Variants in OR5A2 observed in about 807,000 individuals in gnomAD.
OR5A2 encodes the protein olfactory receptor 5A2.
For missense variants in OR5A2, 406 were observed against 398.9 expected (o/e 1.02, Z -0.15); for synonymous variants, 155 against 151.1 (o/e 1.03, Z -0.19).
In OR5A2 at chr11:59,422,052, G is replaced by C. The variant is rs752452167; in HGVS notation, c.902C>G (p.Ala301Gly). The change falls in exon 2 of 2, where the codon GCC becomes GGC. Residue 301 changes from alanine to glycine, a missense_variant. Ala to Gly is a moderately conservative substitution (Grantham distance 60). Coordinates refer to ENST00000302040, the MANE Select transcript of OR5A2 (RefSeq NM_001001954.2). ...YSFRNKEIKN[A>G]MRKAMERDPG... Reference sequence around the variant, plus strand: ...GTCCCTTTCCATGGCTTTCCTCATGGCATTTTTAATCTCCTTATTCCTAAA... The same window carrying C: ...GTCCCTTTCCATGGCTTTCCTCATGCCATTTTTAATCTCCTTATTCCTAAA... The C allele has an allele frequency of 6.2e-7, 1 of 1,613,906 alleles. No individual in the cohort carries two copies. Among genetic ancestry groups the C allele is most frequent in the East Asian group, 2.2e-5 (1 of 44,868 alleles).
chr11:59,423,981 C>G (rs761804951), intron 1 of OR5A2: 4 of 152,256 alleles, frequency 2.6e-5, no homozygotes, highest in Non-Finnish European at 5.9e-5. Context: ...AGGGTTCATT[C>G]AATATTTAAA....
rs1301399152 is a variant in OR5A2 at position 59,418,390 on chromosome 11, G to T, written c.*3589C>A. On this transcript the variant is annotated 3_prime_UTR_variant, in exon 2 of 2. Transcript: ENST00000302040. ...TATGCAGATAGCTATTCTGAGCTTG[G>T]TTAACTTCAGTCCATCTGGAAAAGA... The T allele has an allele frequency of 6.6e-6, 1 of 152,054 alleles. No individual in the cohort carries two copies. Among genetic ancestry groups the T allele is most frequent in the African/African-American group, 2.4e-5 (1 of 41,424 alleles). The allele number at this position is 152,054 out of a possible 1,614,324, so 9.4% of individuals were successfully genotyped here.
rs1011829752 is a variant in OR5A2 at position 59,421,520 on chromosome 11, T to G, written c.*459A>C. ...CTCCTATGGCCATGATTCTGAAACA[T>G]GGGAAGGTATCTGCCCTGTGGTTTT... On this transcript the variant is annotated 3_prime_UTR_variant, in exon 2 of 2. Transcript: ENST00000302040. 5 of 156,080 alleles carry G rather than the reference T, an allele frequency of 3.2e-5. No homozygotes were observed. Among genetic ancestry groups the G allele is most frequent in the Admixed American group, 6.2e-5 (1 of 16,124 alleles). 9.7% of individuals were successfully genotyped at this position (156,080 alleles called of 1,614,324 possible). A position where few individuals can be genotyped will look rare whatever the true frequency, so the allele number is the denominator to read the frequency against.
Position 59,420,687 on chromosome 11 carries a change from T to C in OR5A2, c.*1292A>G, listed in dbSNP as rs1361144657. The C allele has an allele frequency of 6.6e-6, 1 of 152,218 alleles. No individual in the cohort carries two copies. Among genetic ancestry groups the C allele is most frequent in the African/African-American group, 2.4e-5 (1 of 41,460 alleles). The allele number at this position is 152,218 out of a possible 1,614,324, so 9.4% of individuals were successfully genotyped here. ...AGGCCACAGCTGAATGAATTTATTCTAGTTCTTTAATGCCAGTTCAAGGAT... is the reference window on the plus strand; with the variant it reads ...AGGCCACAGCTGAATGAATTTATTCCAGTTCTTTAATGCCAGTTCAAGGAT... On this transcript the variant is annotated 3_prime_UTR_variant, in exon 2 of 2. Coordinates refer to ENST00000302040, the MANE Select transcript of OR5A2 (RefSeq NM_001001954.2).
chr11:59,422,037 A>T lies in OR5A2; in HGVS notation c.917T>A (p.Met306Lys), dbSNP rs754825242. The T allele has an allele frequency of 4.3e-6, 7 of 1,614,046 alleles. No homozygotes were observed. The South Asian group carries it at 6.6e-5, about 15-fold the overall frequency. The stretch of plus-strand genomic sequence containing the variant: ...GTGAGAAATCCCGGGGTCCCTTTCC[A>T]TGGCTTTCCTCATGGCATTTTTAAT... Reference protein sequence around the residue: ...KEIKNAMRKAMERDPGISHGG... With the variant: ...KEIKNAMRKAKERDPGISHGG... Residue 306 changes from methionine (M) to lysine (K), a missense_variant, in exon 2 of 2, where the codon ATG becomes AAG. Coordinates refer to ENST00000302040, the MANE Select transcript of OR5A2 (RefSeq NM_001001954.2).
chr11:59,421,849 C>A lies in OR5A2; in HGVS notation c.*130G>T, dbSNP rs925731305. The A allele has an allele frequency of 3.0e-6, 3 of 1,009,534 alleles. No homozygotes were observed. The Admixed American group carries it at 7.0e-5, about 24-fold the overall frequency. 62.5% of individuals were successfully genotyped at this position (1,009,534 alleles called of 1,614,324 possible). On this transcript the variant is annotated 3_prime_UTR_variant, in exon 2 of 2. Transcript: ENST00000302040. The stretch of plus-strand genomic sequence containing the variant: ...AAAATGTTTTCTAATAGCCAACAGG[C>A]AAACTATTAGTGAAATCTTAAGCAG...
In OR5A2 at chr11:59,421,809, C is replaced by CA. The variant is rs34796825; in HGVS notation, c.*169dup. 634,956 of 663,570 alleles carry CA rather than the reference C, an allele frequency of 0.96. 305,442 individuals carry two copies. Among genetic ancestry groups the CA allele is most frequent in the Non-Finnish European group, 0.99 (395,012 of 399,434 alleles). The allele number at this position is 663,570 out of a possible 1,614,324, so 41.1% of individuals were successfully genotyped here. A position where few individuals can be genotyped will look rare whatever the true frequency, so the allele number is the denominator to read the frequency against. On this transcript the variant is annotated 3_prime_UTR_variant, in exon 2 of 2. Transcript: ENST00000302040. ...AAACTATACAATGCTATTCATTTTACAAGCAACAATGGCCAAAATGTTTTC... is the reference window on the plus strand; with the variant it reads ...AAACTATACAATGCTATTCATTTTACAAAGCAACAATGGCCAAAATGTTTTC...
rs1046399004 is a variant in OR5A2, at chr11:59,419,912, A to G, written c.*2067T>C. The G allele has an allele frequency of 1.3e-5, 2 of 152,144 alleles. No homozygotes were observed. Among genetic ancestry groups the G allele is most frequent in the African/African-American group, 4.8e-5 (2 of 41,442 alleles). The allele number at this position is 152,144 out of a possible 1,614,324, so 9.4% of individuals were successfully genotyped here. ...TAGATCAGGGAAGGAAGGAAGGAAA[A>G]CAAAGTGGAGAGGGGATTCTCTATA... On this transcript the variant is annotated 3_prime_UTR_variant, in exon 2 of 2. Coordinates refer to ENST00000302040, the MANE Select transcript of OR5A2 (RefSeq NM_001001954.2).
Position 59,421,674 on chromosome 11 carries a change from C to G in OR5A2, c.*305G>C, listed in dbSNP as rs1388732873. ...AAATATCACCACACTAAATGCTGGACTAACATTTTTTCGATGACTTTCCTC... is the reference window on the plus strand; with the variant it reads ...AAATATCACCACACTAAATGCTGGAGTAACATTTTTTCGATGACTTTCCTC... On this transcript the variant is annotated 3_prime_UTR_variant, in exon 2 of 2. Coordinates refer to ENST00000302040, the MANE Select transcript of OR5A2 (RefSeq NM_001001954.2). The G allele has an allele frequency of 3.7e-6, 1 of 273,508 alleles. No individual in the cohort carries two copies. Among genetic ancestry groups the G allele is most frequent in the African/African-American group, 2.2e-5 (1 of 46,058 alleles). 16.9% of individuals were successfully genotyped at this position (273,508 alleles called of 1,614,324 possible).
In OR5A2 at chr11:59,422,848, A is replaced by T. The variant is rs377356485; in HGVS notation, c.106T>A (p.Tyr36Asn). 6.2e-7 allele frequency: 1 copy of T among 1,614,026 alleles called. No homozygotes were observed. Among genetic ancestry groups the T allele is most frequent in the African/African-American group, 1.3e-5 (1 of 74,932 alleles). ...AAGTTCCAGGCCAACGTCAGGAGGT[A>T]GAGCCCCAGAAATAACATGAAAAGG... ...IFLFMLFLGL[Y>N]LLTLAWNLSL... Residue 36 changes from tyrosine to asparagine, a missense_variant, in exon 2 of 2, where the codon TAC (tyrosine) becomes AAC (asparagine). By Grantham distance (143) the Tyr-to-Asn change is moderately radical. Coordinates refer to ENST00000302040, the MANE Select transcript of OR5A2 (RefSeq NM_001001954.2).
Position 59,422,202 on chromosome 11 carries a change from AG to A in OR5A2, c.751del (p.Leu251SerfsTer19). The A allele has an allele frequency of 6.2e-7, 1 of 1,614,146 alleles. No individual in the cohort carries two copies. Among genetic ancestry groups the A allele is most frequent in the Non-Finnish European group, 8.5e-7 (1 of 1,180,018 alleles). On this transcript the variant is annotated frameshift_variant, in exon 2 of 2. Transcript: ENST00000302040. LOFTEE classifies it low-confidence loss of function (END_TRUNC). ...CATGAAGAATCCAGAACCATAGAAGAGGGTCACAGCAGTCAGGTGAGAGGCA... is the reference window on the plus strand; with the variant it reads ...CATGAAGAATCCAGAACCATAGAAGAGGTCACAGCAGTCAGGTGAGAGGCA... ...TCASHLTAVT[L>X]FYGSGFFMYM...
rs1273903028 is a variant in OR5A2 at position 59,422,616 on chromosome 11, C to T, written c.338G>A (p.Cys113Tyr). The change falls in exon 2 of 2, where the codon TGC becomes TAC. Residue 113 changes from cysteine (C) to tyrosine (Y), a missense_variant. Coordinates refer to ENST00000302040, the MANE Select transcript of OR5A2 (RefSeq NM_001001954.2). The stretch of plus-strand genomic sequence containing the variant: ...ATAGGCCATAGCTGCCAGGAGAAAG[C>T]ATTCAGTCAGCCCCATCCCACAGAA... ...FVFCGMGLTE[C>Y]FLLAAMAYDR... is the part of the protein sequence containing the mutation. 1.2e-6 allele frequency: 2 copies of T among 1,614,182 alleles called. No individual in the cohort carries two copies. Among genetic ancestry groups the T allele is most frequent in the Non-Finnish European group, 1.7e-6 (2 of 1,180,038 alleles).
Position 59,422,803 on chromosome 11 carries a change from TAATGAGGGC to T in OR5A2, c.142_150del (p.Ala48_Ile50del). On this transcript the variant is annotated inframe_deletion, in exon 2 of 2. Coordinates refer to ENST00000302040, the MANE Select transcript of OR5A2 (RefSeq NM_001001954.2). Reference sequence around the variant, plus strand: ...GGCATGTGCAGGTGAGAGTCCATCTTAATGAGGGCAATGAGGCTTAAGTTCCAGGCCAAC... The same window carrying T: ...GGCATGTGCAGGTGAGAGTCCATCTTAATGAGGCTTAAGTTCCAGGCCAAC... 1 of 1,614,134 alleles carries T rather than the reference TAATGAGGGC, an allele frequency of 6.2e-7. No individual in the cohort carries two copies. The highest frequency in any genetic ancestry group is 8.5e-7 in the Non-Finnish European group (1 of 1,180,016).
At position 59,417,835 on chromosome 11, in the gene OR5A2, A is replaced by C. The variant is rs752658922; in HGVS notation, c.*4144T>G. ...AGCTCCTTTAATGCATCACTCATTA[A>C]TTCATGAGTGTGCATAATTACATGT... On this transcript the variant is annotated 3_prime_UTR_variant, in exon 2 of 2. Transcript: ENST00000302040. 1 of 152,064 alleles carries C rather than the reference A, an allele frequency of 6.6e-6. No individual in the cohort carries two copies. The highest frequency in any genetic ancestry group is 1.5e-5 in the Non-Finnish European group (1 of 67,976). 9.4% of individuals were successfully genotyped at this position (152,064 alleles called of 1,614,324 possible).
rs1248744677 is a variant in OR5A2, at chr11:59,419,411, A to G, written c.*2568T>C. 2.6e-5 allele frequency: 4 copies of G among 152,156 alleles called. No homozygotes were observed. The highest frequency in any genetic ancestry group is 5.9e-5 in the Non-Finnish European group (4 of 68,024). The allele number at this position is 152,156 out of a possible 1,614,324, so 9.4% of individuals were successfully genotyped here. A position where few individuals can be genotyped will look rare whatever the true frequency, so the allele number is the denominator to read the frequency against. On this transcript the variant is annotated 3_prime_UTR_variant, in exon 2 of 2. Coordinates refer to ENST00000302040, the MANE Select transcript of OR5A2 (RefSeq NM_001001954.2). ...ATGCATATTCTCACTTAATTGTTGT[A>G]TCAATTTTATGGGGTATGTTGACAA...
At position 59,422,588 on chromosome 11, in the gene OR5A2, G is replaced by C. The variant is rs1431675382; in HGVS notation, c.366C>G (p.Asp122Glu). 6.2e-7 allele frequency: 1 copy of C among 1,614,182 alleles called. No individual in the cohort carries two copies. The highest frequency in any genetic ancestry group is 1.7e-5 in the Admixed American group (1 of 60,020). ...ECFLLAAMAY[D>E]RYAAICNPLL... Reference sequence around the variant, plus strand: ...AGGGGTTGCAGATTGCAGCATACCGGTCATAGGCCATAGCTGCCAGGAGAA... The same window carrying C: ...AGGGGTTGCAGATTGCAGCATACCGCTCATAGGCCATAGCTGCCAGGAGAA... The change falls in exon 2 of 2, where the codon GAC becomes GAG. Residue 122 changes from aspartate (D) to glutamate (E), a missense_variant. Asp to Glu is a conservative substitution (Grantham distance 45). Transcript: ENST00000302040.
Position 59,420,817 on chromosome 11 carries a change from C to T in OR5A2, c.*1162G>A, listed in dbSNP as rs1489298741. On this transcript the variant is annotated 3_prime_UTR_variant, in exon 2 of 2. Transcript: ENST00000302040. ...TCACAGCCCTGGTAAAAATAGAGAA[C>T]TTTTCATCCCAAATGAGCGTATGCT... The T allele has an allele frequency of 6.6e-6, 1 of 152,182 alleles. No individual in the cohort carries two copies. The highest frequency in any genetic ancestry group is 2.4e-5 in the African/African-American group (1 of 41,446). The allele number at this position is 152,182 out of a possible 1,614,324, so 9.4% of individuals were successfully genotyped here.
chr11:59,424,832 A>G (rs1858275760), intron 1 of OR5A2: 1 of 152,162 alleles, frequency 6.6e-6, no homozygotes, highest in African/African-American at 2.4e-5. Context: ...CCCTCAAATC[A>G]CTGGTCAAGC....
rs1481662618 is a variant in OR5A2, at chr11:59,422,239, AG to A, written c.714del (p.Phe239SerfsTer8). The A allele has an allele frequency of 1.9e-6, 3 of 1,614,048 alleles. No homozygotes were observed. The African/African-American group carries it at 4.0e-5, about 22-fold the overall frequency. Reference sequence around the variant, plus strand: ...GTCAGGTGAGAGGCACAAGTGCTGAAGGCCTTTGTCCTACCTGTAGCTGAGC... The same window carrying A: ...GTCAGGTGAGAGGCACAAGTGCTGAAGCCTTTGTCCTACCTGTAGCTGAGC... The part of the protein sequence containing the change: ...KISSATGRTK[A>X]FSTCASHLTA... On this transcript the variant is annotated frameshift_variant, in exon 2 of 2. Transcript: ENST00000302040. LOFTEE classifies it low-confidence loss of function (END_TRUNC).
Sources: allele counts gnomAD v4.1 joint callset, GRCh38; gene constraint gnomAD v4.1.1; transcripts MANE v1.5; gene names NCBI Gene and HGNC (gene_info 2026-07-23, HGNC 2026-07-21).